ANK3: variants seen among roughly 807,000 people sequenced by gnomAD.
The protein encoded by ANK3 is ankyrin-3.
ANK3 carries 57 observed loss-of-function variants against 370.9 expected under a neutral mutation model. The observed-to-expected ratio is 0.15, with a 90% CI of 0.12 to 0.19. The LOEUF is 0.19. Ranked by LOEUF, ANK3 falls within the 10% of genes least tolerant of loss-of-function variation. ANK3 has a pLI of 1.00. For missense variants in ANK3, 4,439 were observed against 5,302.1 expected, an observed-to-expected ratio of 0.84 and a Z score of 5.06; for synonymous variants, 1,929 against 1,946.3, an observed-to-expected ratio of 0.99 and a Z score of 0.23.
At chr10:60,086,629 C>A (rs1266348280) in intron 30 of ANK3, 48 bp downstream of exon 30, 10 of 1,478,502 alleles carry the variant, frequency 6.8e-6, no homozygotes, top group Non-Finnish European at 9.3e-6. Context: ...TATCTTTGTA[C>A]ACAATCTTTG....
At chr10:60,207,334 C>T (rs1375173957) in intron 10 of ANK3, among the ~76,000 whole-genome samples, 1 of 152,170 alleles carries the variant, frequency 6.6e-6, no homozygotes, top group East Asian at 1.9e-4. Context: ...TGATGACAAC[C>T]TTTACCTCAA....
Position 60,055,888 on chromosome 10 carries a change from T to C in ANK3, c.12835A>G (p.Thr4279Ala). 1.2e-6 allele frequency: 2 copies of C among 1,614,218 alleles called. No homozygotes were observed. Among genetic ancestry groups the C allele is most frequent in the Non-Finnish European group, 1.7e-6 (2 of 1,180,028 alleles). ...ATTTTTGGTTTCAGAGTTTCCTTGG[T>C]ACTCTGTTTTCCTACATCATTTTGG... ...ESQNDVGKQSTKETLKPKIHG... is the reference protein window; with the variant it reads ...ESQNDVGKQSAKETLKPKIHG... The change falls in exon 42 of 44, where the codon ACC becomes GCC. Residue 4279 changes from threonine to alanine, a missense_variant. By Grantham distance (58) the Thr-to-Ala change is moderately conservative. This residue lies in a region of ANK3 where 242 missense variants were observed against 228.0 expected (regional missense o/e 1.06). Coordinates refer to ENST00000280772, the MANE Select transcript of ANK3 (RefSeq NM_020987.5).
At position 60,262,229 on chromosome 10, in the gene ANK3, T is replaced by C. The variant is rs888487835; in HGVS notation, c.700-272A>G. Among the ~76,000 whole-genome samples, 8 of 152,186 alleles carry C rather than the reference T, an allele frequency of 5.3e-5. No homozygotes were observed. In the East Asian group the frequency reaches 1.5e-3, roughly 29 times the overall value. On this transcript the variant is annotated intron_variant, in intron 6 of 43. Coordinates refer to ENST00000280772, the MANE Select transcript of ANK3 (RefSeq NM_020987.5). Reference sequence around the variant, plus strand: ...ACAGAACTATATAAAAGCCAACATTTCAAGAAATTAAGATAGAGATGAGAA... The same window carrying C: ...ACAGAACTATATAAAAGCCAACATTCCAAGAAATTAAGATAGAGATGAGAA...
intron 2 of ANK3, among the ~76,000 whole-genome samples, chr10:60,531,522 T>C (rs1369780623): frequency 6.6e-6 from 1 of 152,272 alleles, no homozygotes; most frequent in African/African-American, 2.4e-5. Context: ...ATTTTATTTT[T>C]CTTGTTTTTT....
intron 1 of ANK3, among the ~76,000 whole-genome samples, chr10:60,677,409 A>G (rs2079139112): frequency 6.6e-6 from 1 of 152,216 alleles, no homozygotes. Flanking sequence ...CAGAGATATT[A>G]GTCTTACAAT....
Position 60,172,646 on chromosome 10 carries a change from C to T in ANK3, c.2383-243G>A, listed in dbSNP as rs2288357. Among the ~76,000 whole-genome samples, 706 of 152,242 alleles carry T rather than the reference C, an allele frequency of 4.6e-3. 13 individuals are homozygous for T. The highest frequency in any genetic ancestry group is 0.044 in the East Asian group (226 of 5,182). On this transcript the variant is annotated intron_variant, in intron 20 of 43. Transcript: ENST00000280772. The stretch of plus-strand genomic sequence containing the variant: ...CTAAGTAAGCAATCAATGAAACCAA[C>T]ACAATTTTTTTTTCTTACATGTGTA...
chr10:60,071,229 G>C lies in ANK3; in HGVS notation c.9652C>G (p.Leu3218Val). 1 of 1,614,130 alleles carries C rather than the reference G, an allele frequency of 6.2e-7. No individual in the cohort carries two copies. Among genetic ancestry groups the C allele is most frequent in the South Asian group, 1.1e-5 (1 of 91,080 alleles). ...EEEEQAKSTS[L>V]KQTTVEETAV... The stretch of plus-strand genomic sequence containing the variant: ...GTTTCCTCCACTGTAGTCTGCTTAA[G>C]GGAGGTTGACTTGGCCTGTTCCTCC... The change falls in exon 37 of 44, where the codon CTT becomes GTT. Residue 3218 changes from leucine to valine, a missense_variant. Leu to Val is a conservative substitution (Grantham distance 32). This residue lies in a region of ANK3 where 1,601 missense variants were observed against 1,731.7 expected (regional missense o/e 0.92). Coordinates refer to ENST00000280772, the MANE Select transcript of ANK3 (RefSeq NM_020987.5).
rs1224258339 is a variant in ANK3, at chr10:60,395,609, TCTCTTTCG to T, written c.97-115978_97-115971del. Among the ~76,000 whole-genome samples, 614 of 99,374 alleles carry T rather than the reference TCTCTTTCG, an allele frequency of 6.2e-3. 1 individual carries two copies. The highest frequency in any genetic ancestry group is 0.017 in the African/African-American group (359 of 21,532). The allele number at this position is 99,374 out of a possible 152,430, so 65.2% of individuals were successfully genotyped here. A position where few individuals can be genotyped will look rare whatever the true frequency, so the allele number is the denominator to read the frequency against. On this transcript the variant is annotated intron_variant, in intron 2 of 43. Coordinates refer to the ANK3 transcript ENST00000373827. ...CTTTCTTTCTTTCTTTCTTTCTTTC[TCTCTTTCG>T]TTCTCTCTCTCTCTCTCTCTCTCTC...
At chr10:60,233,223 G>A (rs574782079) in intron 8 of ANK3, among the ~76,000 whole-genome samples, 1 of 152,162 alleles carries the variant, frequency 6.6e-6, no homozygotes, top group South Asian at 2.1e-4. Context: ...AACCCTACAA[G>A]GTGGCCATTA....
At chr10:60,564,554 G>C (rs1429414328) in intron 2 of ANK3, among the ~76,000 whole-genome samples, 1 of 152,164 alleles carries the variant, frequency 6.6e-6, no homozygotes, top group African/African-American at 2.4e-5. Context: ...CCTAATCAAA[G>C]ACTCCAGGAC....
At chr10:60,724,538 GATACA>G (rs2079914491) in intron 1 of ANK3, among the ~76,000 whole-genome samples, 1 of 152,004 alleles carries the variant, frequency 6.6e-6, no homozygotes, top group African/African-American at 2.4e-5. Context: ...GTATGATAAA[GATACA>G]ATACTTTAAG....
At chr10:60,543,392 A>C (rs2076893847) in intron 2 of ANK3, among the ~76,000 whole-genome samples, 1 of 152,090 alleles carries the variant, frequency 6.6e-6, no homozygotes, top group Non-Finnish European at 1.5e-5. Context: ...TAAAGATTGG[A>C]AGTGACCCAA....
intron 2 of ANK3, among the ~76,000 whole-genome samples, chr10:60,570,681 A>G (rs374678284): frequency 4.0e-4 from 61 of 152,312 alleles, no homozygotes; most frequent in African/African-American, 1.5e-3. Flanking sequence ...GGTACTAGAC[A>G]GAGGGTGATG....
intron 1 of ANK3, among the ~76,000 whole-genome samples, chr10:60,335,917 AGCC>A (rs1032576229): frequency 6.6e-6 from 1 of 152,174 alleles, no homozygotes; most frequent in African/African-American, 2.4e-5. Flanking sequence ...AGAGATGGAA[AGCC>A]AGCCAGGCTT....
intron 1 of ANK3, among the ~76,000 whole-genome samples, chr10:60,685,768 T>C (rs568530411): frequency 3.6e-4 from 55 of 152,250 alleles, no homozygotes; most frequent in African/African-American, 1.2e-3. Flanking sequence ...AAGATGATAG[T>C]TGGAACTGTG....
intron 33 of ANK3, 122 bp downstream of exon 33, chr10:60,083,370 C>G: frequency 9.7e-7 from 1 of 1,035,970 alleles, no homozygotes; most frequent in Non-Finnish European, 1.4e-6. Context: ...CAAAATCTGA[C>G]CTTATGAGTT....
In ANK3 at chr10:60,086,822, T is replaced by C. The variant is rs751479260; in HGVS notation, c.3603A>G (p.Pro1201=). ...KILGNKATFS[P]IVTVEPRRRK... ...GTCTTCTTGGTTCCACAGTGACAAT[T>C]GGGCTAAAAGTTGCTTTGTTTCCAA... The change falls in exon 30 of 44, where the codon CCA becomes CCG. Residue 1201 remains proline, a synonymous_variant. Transcript: ENST00000280772. The C allele has an allele frequency of 6.2e-7, 1 of 1,614,028 alleles. No individual in the cohort carries two copies.
chr10:60,530,463 A>AAC (rs200761748), intron 2 of ANK3, among the ~76,000 whole-genome samples: 5 of 151,818 alleles, frequency 3.3e-5, no homozygotes, highest in African/African-American at 4.8e-5. Context: ...CAAAAAAAAA[A>AAC]AAACCCTATG....
chr10:60,351,587 A>G (rs2056881663), intron 1 of ANK3, among the ~76,000 whole-genome samples: 1 of 152,208 alleles, frequency 6.6e-6, no homozygotes, highest in Non-Finnish European at 1.5e-5. Flanking sequence ...AGCTTCTTTT[A>G]TTAAAACACA....
Sources: allele counts gnomAD v4.1 joint callset (sites outside exome capture counted in the v4.1 genomes callset), GRCh38; gene constraint gnomAD v4.1.1; regional missense constraint gnomAD v4.1.1; transcripts MANE v1.5; gene names NCBI Gene and HGNC (gene_info 2026-07-23, HGNC 2026-07-21).